RIMS2: variants seen among roughly 807,000 people sequenced by gnomAD.
The protein encoded by RIMS2 is regulating synaptic membrane exocytosis protein 2.
RIMS2 carries 59 observed loss-of-function variants against 174.4 expected under a neutral mutation model. The observed-to-expected ratio is 0.34, with a 90% CI of 0.27 to 0.42. The LOEUF is 0.42. Among genes scored for constraint, RIMS2 ranks in the 10% least tolerant of loss-of-function variants. The pLI, the probability that RIMS2 is intolerant of heterozygous loss-of-function variation, is 1.00. For missense variants in RIMS2, 1,620 were observed against 1,666.3 expected (o/e 0.97, Z 0.48); for synonymous variants, 606 against 572.5 (o/e 1.06, Z -0.84).
intron 19 of RIMS2, among the ~76,000 whole-genome samples, chr8:104,220,743 A>C (rs1452837104): frequency 6.6e-6 from 1 of 152,020 alleles, no homozygotes; most frequent in Non-Finnish European, 1.5e-5. Flanking sequence ...CTGGGACTAC[A>C]GGCATGACCC....
intron 1 of RIMS2, among the ~76,000 whole-genome samples, chr8:103,579,492 C>A (rs2093473115): frequency 6.6e-6 from 1 of 152,090 alleles, no homozygotes; most frequent in Non-Finnish European, 1.5e-5. Context: ...TAACAATAAT[C>A]ATAGTTATAG....
chr8:104,061,876 TA>T (rs1039538586), intron 19 of RIMS2, among the ~76,000 whole-genome samples: 1 of 152,154 alleles, frequency 6.6e-6, no homozygotes, highest in East Asian at 1.9e-4. Context: ...ATGGTATGAT[TA>T]ATATACTTGT....
At chr8:104,151,612 G>C (rs1332891734) in intron 19 of RIMS2, among the ~76,000 whole-genome samples, 1 of 152,006 alleles carries the variant, frequency 6.6e-6, no homozygotes, top group Non-Finnish European at 1.5e-5. Context: ...GTTGGGGAAA[G>C]AGGAAGAGGG....
chr8:103,581,537 T>A (rs114705111), intron 1 of RIMS2, among the ~76,000 whole-genome samples: 1 of 152,090 alleles, frequency 6.6e-6, no homozygotes, highest in African/African-American at 2.4e-5. Context: ...GGAGAAAAAT[T>A]GAAAGCGGTT....
intron 19 of RIMS2, among the ~76,000 whole-genome samples, chr8:104,089,286 A>G (rs2097590457): frequency 6.6e-6 from 1 of 151,922 alleles, no homozygotes; most frequent in Admixed American, 6.6e-5. Context: ...AAATTTACTT[A>G]CTCACATTCG....
chr8:103,912,970 G>GTATT (rs1428203394), intron 6 of RIMS2, among the ~76,000 whole-genome samples: 1 of 114,906 alleles, frequency 8.7e-6, no homozygotes, highest in Non-Finnish European at 1.8e-5. Flanking sequence ...TTTTTTTGTT[G>GTATT]TTTTTTTTTT....
chr8:103,625,684 G>A (rs772705583), intron 1 of RIMS2, among the ~76,000 whole-genome samples: 8 of 152,038 alleles, frequency 5.3e-5, no homozygotes, highest in Non-Finnish European at 1.2e-4. Flanking sequence ...AAAAAGCAAA[G>A]TGAGTGAAAA....
intron 4 of RIMS2, among the ~76,000 whole-genome samples, chr8:103,896,906 C>T (rs1285446149): frequency 1.3e-5 from 2 of 151,472 alleles, no homozygotes; most frequent in Non-Finnish European, 2.9e-5. Flanking sequence ...CATGTGGCAT[C>T]ACTCCTACAA....
At chr8:104,239,513 C>G (rs886882449) in intron 19 of RIMS2, among the ~76,000 whole-genome samples, 1 of 152,096 alleles carries the variant, frequency 6.6e-6, no homozygotes, top group Non-Finnish European at 1.5e-5. Flanking sequence ...TCTCAATACA[C>G]ACACACACAC....
intron 1 of RIMS2, among the ~76,000 whole-genome samples, chr8:103,669,588 A>G (rs982565416): frequency 6.6e-6 from 1 of 152,210 alleles, no homozygotes; most frequent in African/African-American, 2.4e-5. Context: ...GCATTGGATA[A>G]ATACAGCCAT....
chr8:104,107,901 C>T (rs2098104257), intron 19 of RIMS2, among the ~76,000 whole-genome samples: 1 of 152,088 alleles, frequency 6.6e-6, no homozygotes, highest in Admixed American at 6.6e-5. Flanking sequence ...GCATTCCAGT[C>T]TGGGCAACAG....
rs985786230 is a variant in RIMS2, at chr8:103,686,828, C to T, written c.177-10258C>T. 3.9e-5 allele frequency among the ~76,000 whole-genome samples: 6 copies of T among 152,052 alleles called. No individual in the cohort carries two copies. In the East Asian group the frequency reaches 1.2e-3, roughly 29 times the overall value. On this transcript the variant is annotated intron_variant, in intron 1 of 23. Coordinates refer to ENST00000504942, the Ensembl canonical transcript of RIMS2. ...CCCAGGCTGGAGTACAATGTGCAAT[C>T]ATAGGTCTCTGCAGCCTTGTATTCC... is the stretch of plus-strand genomic sequence containing the variant.
At chr8:104,162,710 C>T (rs73699081) in intron 19 of RIMS2, among the ~76,000 whole-genome samples, 2,622 of 152,084 alleles carry the variant, frequency 0.017, 60 homozygotes, top group African/African-American at 0.056. Context: ...ATGTAAATAG[C>T]CAACAGGCAT....
Position 103,913,724 on chromosome 8 carries a change from G to A in RIMS2, c.1812+1552G>A, listed in dbSNP as rs572462415. Among the ~76,000 whole-genome samples the A allele has an allele frequency of 2.6e-5, 4 of 152,198 alleles. No homozygotes were observed. In the South Asian group the frequency reaches 6.2e-4, roughly 24 times the overall value. On this transcript the variant is annotated intron_variant, in intron 6 of 23. Coordinates refer to ENST00000504942, the Ensembl canonical transcript of RIMS2. ...TCAAAGGTGAAGGGAGAGTACGCATGTCACATGGCAAAAGCAGGAGCAAGA... is the reference window on the plus strand; with the variant it reads ...TCAAAGGTGAAGGGAGAGTACGCATATCACATGGCAAAAGCAGGAGCAAGA...
In RIMS2 at chr8:104,237,344, A is replaced by G. The variant is rs146515453; in HGVS notation, c.3335-7572A>G. Among the ~76,000 whole-genome samples, 460 of 152,308 alleles carry G rather than the reference A, an allele frequency of 3.0e-3. 3 individuals carry two copies. The highest frequency in any genetic ancestry group is 0.011 in the African/African-American group (445 of 41,572). On this transcript the variant is annotated intron_variant, in intron 19 of 23. Transcript: ENST00000504942. ...TAAAAATATTAATGGCTTAACACAAAAAATTTATGTCTCACTCCCACTACT... is the reference window on the plus strand; with the variant it reads ...TAAAAATATTAATGGCTTAACACAAGAAATTTATGTCTCACTCCCACTACT...
chr8:103,898,355 T>G (rs2099303520), intron 4 of RIMS2, among the ~76,000 whole-genome samples: 2 of 151,636 alleles, frequency 1.3e-5, no homozygotes, highest in Admixed American at 1.3e-4. Context: ...CTTTTGTCCA[T>G]CCCAGGGGTA....
intron 3 of RIMS2, among the ~76,000 whole-genome samples, chr8:103,858,340 A>G (rs1316676418): frequency 1.3e-5 from 2 of 152,136 alleles, no homozygotes; most frequent in Admixed American, 1.3e-4. Context: ...ATTAAGATAT[A>G]TATGAAGGAA....
At chr8:103,581,902 GAC>G (rs1314706097) in intron 1 of RIMS2, among the ~76,000 whole-genome samples, 1 of 152,208 alleles carries the variant, frequency 6.6e-6, no homozygotes, top group Non-Finnish European at 1.5e-5. Context: ...TAGGCCGAGA[GAC>G]AGTGAATTGG....
At chr8:103,905,135 A>G (rs1372411216) in intron 4 of RIMS2, among the ~76,000 whole-genome samples, 1 of 152,076 alleles carries the variant, frequency 6.6e-6, no homozygotes, top group Non-Finnish European at 1.5e-5. Context: ...AATATCAGAA[A>G]CATAATTTAG....
Sources: gnomAD v4.1 joint callset for allele counts (sites outside exome capture counted in the v4.1 genomes callset) on GRCh38, gnomAD v4.1.1 for gene constraint, MANE v1.5 for transcripts, NCBI Gene and HGNC (gene_info 2026-07-23, HGNC 2026-07-21) for gene names.